PTPRT: variants seen among roughly 807,000 people sequenced by gnomAD.
The protein encoded by PTPRT is protein tyrosine phosphatase receptor type T.
PTPRT carries 56 observed loss-of-function variants against 176.8 expected under a neutral mutation model. The observed-to-expected ratio is 0.32, with a 90% CI of 0.26 to 0.40. PTPRT has a LOEUF of 0.40. PTPRT is among the 10% of genes least tolerant of loss of function. PTPRT has a pLI of 1.00. For synonymous variants in PTPRT, 783 were observed against 739.0 expected (o/e 1.06, Z -0.96); for missense variants, 1,540 against 1,908.2 (o/e 0.81, Z 3.60).
chr20:42,726,138 G>A (rs1448852378), intron 6 of PTPRT, among the ~76,000 whole-genome samples: 2 of 151,276 alleles, frequency 1.3e-5, no homozygotes, highest in Non-Finnish European at 2.9e-5. Context: ...GGAGTGTAAT[G>A]GCATGATCTT....
intron 11 of PTPRT, among the ~76,000 whole-genome samples, chr20:42,336,064 T>C (rs540285011): frequency 1.3e-5 from 2 of 152,260 alleles, no homozygotes; most frequent in East Asian, 1.9e-4. Context: ...TTAATATACA[T>C]AAAGAACTTA....
intron 4 of PTPRT, among the ~76,000 whole-genome samples, chr20:42,777,334 C>T (rs559882184): frequency 5.3e-5 from 8 of 152,282 alleles, no homozygotes; most frequent in South Asian, 2.1e-4. Flanking sequence ...AAGCCAACTC[C>T]GTGTGCAGGG....
chr20:42,148,675 G>A (rs771610131), intron 17 of PTPRT, among the ~76,000 whole-genome samples: 4 of 152,192 alleles, frequency 2.6e-5, no homozygotes, highest in South Asian at 4.1e-4. Context: ...CCTGCTGAAC[G>A]TGGACAATTG....
In PTPRT at chr20:42,112,151, T is replaced by C. The variant is rs577389081; in HGVS notation, c.3100-1664A>G. ...CACAAGAGGAAGTGCATCATTAGACTTGCATTTTAGGAGGCTGCATCCTGC... is the reference window on the plus strand; with the variant it reads ...CACAAGAGGAAGTGCATCATTAGACCTGCATTTTAGGAGGCTGCATCCTGC... On this transcript the variant is annotated intron_variant, in intron 22 of 30. Coordinates refer to ENST00000373187, the MANE Select transcript of PTPRT (RefSeq NM_007050.6). Among the ~76,000 whole-genome samples the C allele has an allele frequency of 5.9e-5, 9 of 152,314 alleles. No individual in the cohort carries two copies. The South Asian group carries it at 1.9e-3, about 32-fold the overall frequency.
At chr20:42,164,813 T>C (rs1339275267) in intron 16 of PTPRT, among the ~76,000 whole-genome samples, 1 of 152,196 alleles carries the variant, frequency 6.6e-6, no homozygotes, top group African/African-American at 2.4e-5. Context: ...GCACTGGAAT[T>C]CACACGCTGC....
At chr20:43,048,458 GGCAA>G (rs1245951732) in intron 1 of PTPRT, among the ~76,000 whole-genome samples, 1 of 152,108 alleles carries the variant, frequency 6.6e-6, no homozygotes, top group Non-Finnish European at 1.5e-5. Context: ...ATGGCCCCAT[GGCAA>G]CCCGGATTTG....
intron 9 of PTPRT, among the ~76,000 whole-genome samples, chr20:42,376,705 A>G (rs1056520785): frequency 1.3e-5 from 2 of 152,168 alleles, no homozygotes; most frequent in Admixed American, 1.3e-4. Flanking sequence ...GAAGCTCCTA[A>G]GCAGATTGAG....
intron 1 of PTPRT, among the ~76,000 whole-genome samples, chr20:42,901,047 C>G (rs772738938): frequency 6.6e-6 from 1 of 152,182 alleles, no homozygotes; most frequent in Non-Finnish European, 1.5e-5. Context: ...AAATGCTAAG[C>G]CGTCACAGCT....
intron 1 of PTPRT, among the ~76,000 whole-genome samples, chr20:42,974,835 A>G (rs1014434262): frequency 6.6e-6 from 1 of 152,188 alleles, no homozygotes; most frequent in African/African-American, 2.4e-5. Context: ...ACTACCCCCA[A>G]TGGTCATTTT....
At chr20:42,873,423 T>C (rs2078877842) in intron 2 of PTPRT, among the ~76,000 whole-genome samples, 1 of 152,216 alleles carries the variant, frequency 6.6e-6, no homozygotes, top group Admixed American at 6.5e-5. Flanking sequence ...TAGCTATTAC[T>C]ATTCTCAAAG....
At chr20:42,303,035 A>T (rs1037917749) in intron 12 of PTPRT, among the ~76,000 whole-genome samples, 2 of 152,184 alleles carry the variant, frequency 1.3e-5, no homozygotes, top group Non-Finnish European at 2.9e-5. Context: ...CCTAATTGAG[A>T]AGTTGGAAAT....
chr20:42,481,933 C>A (rs1392096284), intron 7 of PTPRT, among the ~76,000 whole-genome samples: 1 of 152,032 alleles, frequency 6.6e-6, no homozygotes, highest in African/African-American at 2.4e-5. Context: ...ATGGTGTGTT[C>A]TTGATTGTAA....
chr20:42,841,795 G>C (rs2078283749), intron 2 of PTPRT, among the ~76,000 whole-genome samples: 2 of 152,186 alleles, frequency 1.3e-5, no homozygotes, highest in South Asian at 2.1e-4. Flanking sequence ...TTGCAGAATA[G>C]CTAGTTTGAA....
At chr20:42,993,094 G>A (rs1476944352) in intron 1 of PTPRT, among the ~76,000 whole-genome samples, 5 of 152,124 alleles carry the variant, frequency 3.3e-5, no homozygotes, top group East Asian at 1.9e-4. Context: ...GAGGCATGAC[G>A]AGCTTCCGGA....
intron 7 of PTPRT, among the ~76,000 whole-genome samples, chr20:42,650,641 A>G (rs1354454073): frequency 6.6e-6 from 1 of 152,212 alleles, no homozygotes; most frequent in African/African-American, 2.4e-5. Flanking sequence ...AAGTGCTTTT[A>G]TTCTCTGCTG....
chr20:42,841,404 A>T (rs2078274829), intron 2 of PTPRT, among the ~76,000 whole-genome samples: 1 of 152,182 alleles, frequency 6.6e-6, no homozygotes, highest in Non-Finnish European at 1.5e-5. Flanking sequence ...AACACAGCTC[A>T]GAATTCAGAA....
intron 1 of PTPRT, among the ~76,000 whole-genome samples, chr20:42,928,839 A>G (rs543873408): frequency 1.8e-4 from 27 of 152,240 alleles, no homozygotes; most frequent in East Asian, 1.4e-3. Flanking sequence ...CCTGTCCCCA[A>G]TTGCTTCAAT....
chr20:42,648,156 A>G (rs889946332), intron 7 of PTPRT, among the ~76,000 whole-genome samples: 1 of 152,086 alleles, frequency 6.6e-6, no homozygotes, highest in Non-Finnish European at 1.5e-5. Context: ...ATGCTGTTTA[A>G]TTTACTGGGT....
chr20:42,578,426 AACTCCAAAGCCTTTCCAC>A (rs1461459974), intron 7 of PTPRT, among the ~76,000 whole-genome samples: 4 of 152,170 alleles, frequency 2.6e-5, no homozygotes, highest in African/African-American at 9.6e-5. Flanking sequence ...AGGCCTGTTT[AACTCCAAAGCCTTTCCAC>A]TGTCTCATGT....
Sources: gnomAD v4.1 joint callset for allele counts (sites outside exome capture counted in the v4.1 genomes callset) on GRCh38, gnomAD v4.1.1 for gene constraint, MANE v1.5 for transcripts, NCBI Gene and HGNC (gene_info 2026-07-23, HGNC 2026-07-21) for gene names.